Variants in LPA observed in about 807,000 individuals in gnomAD.
LPA encodes apolipoprotein(a).
A neutral mutation model predicts 197.9 loss-of-function variants in LPA; 199 were observed. The ratio of observed to expected loss-of-function variants is 1.01; its 90% confidence interval spans 0.90 to 1.13. LPA has a LOEUF of 1.13. Ranked by LOEUF, LPA falls within the 50% of genes most tolerant of loss-of-function variation. LPA has a pLI of 0.00. For synonymous variants in LPA, 715 were observed against 639.5 expected (o/e 1.12, Z -1.78); for missense variants, 1,853 against 1,785.8 (o/e 1.04, Z -0.68).
At chr6:160,564,667 C>T (rs1252451728) in intron 28 of LPA, among the ~76,000 whole-genome samples, 2 of 152,170 alleles carry the variant, frequency 1.3e-5, no homozygotes, top group East Asian at 3.9e-4. Context: ...GTGGGTGCAG[C>T]CCACGGAGAG....
intron 21 of LPA, 92 bp downstream of exon 21, chr6:160,595,262 G>A: frequency 2.0e-6 from 3 of 1,483,432 alleles, no homozygotes; most frequent in South Asian, 2.3e-5. Context: ...TTGGAATTGT[G>A]TGAGCATGGA....
chr6:160,544,187 G>A (rs1190528281), intron 33 of LPA, among the ~76,000 whole-genome samples: 1 of 152,120 alleles, frequency 6.6e-6, no homozygotes, highest in Non-Finnish European at 1.5e-5. Flanking sequence ...AGGCAGGTAA[G>A]TCAGACTGGG....
intron 2 of LPA, among the ~76,000 whole-genome samples, chr6:160,648,150 A>G (rs1273239563): frequency 6.6e-6 from 1 of 152,048 alleles, no homozygotes; most frequent in Non-Finnish European, 1.5e-5. Context: ...TATTACTTTA[A>G]TGTTATTCTT....
At chr6:160,589,776 A>C (rs1445618971) in intron 23 of LPA, 64 bp from the exon 24 acceptor site, 2 of 1,585,042 alleles carry the variant, frequency 1.3e-6, no homozygotes, top group Non-Finnish European at 1.7e-6. Flanking sequence ...TGAGAAAAAA[A>C]ATCCATGATA....
intron 37 of LPA, 128 bp downstream of exon 37, chr6:160,537,727 C>A: frequency 1.2e-6 from 1 of 863,826 alleles, no homozygotes; most frequent in Admixed American, 2.0e-5. Context: ...GGTGTCCAGG[C>A]AAAGTCAGGA....
intron 18 of LPA, 30 bp downstream of exon 18, chr6:160,605,016 C>T: frequency 6.2e-7 from 1 of 1,612,522 alleles, no homozygotes; most frequent in South Asian, 1.1e-5. Context: ...CTGACCCTTC[C>T]TTCACTTATG....
chr6:160,532,102 AAAT>A (rs1278965365), intron 38 of LPA, among the ~76,000 whole-genome samples: 1 of 152,174 alleles, frequency 6.6e-6, no homozygotes, highest in Non-Finnish European at 1.5e-5. Context: ...CTGGGAAAAA[AAAT>A]AATCCCTTGT....
intron 16 of LPA, among the ~76,000 whole-genome samples, chr6:160,611,004 G>T (rs185421391): frequency 1.3e-4 from 20 of 152,212 alleles, no homozygotes; most frequent in African/African-American, 4.6e-4. Flanking sequence ...TCTCTGTGCT[G>T]ACTCTCATCT....
intron 26 of LPA, among the ~76,000 whole-genome samples, chr6:160,579,804 G>A (rs747992932): frequency 1.3e-4 from 20 of 152,216 alleles, no homozygotes; most frequent in Non-Finnish European, 1.5e-4. Flanking sequence ...ATTTGAGGAT[G>A]TTAGGCAGTG....
intron 37 of LPA, among the ~76,000 whole-genome samples, chr6:160,533,927 G>A (rs186491596): frequency 3.9e-5 from 6 of 152,336 alleles, no homozygotes; most frequent in Admixed American, 2.6e-4. Flanking sequence ...CATGCCCAGG[G>A]ATTTCTCAGT....
At chr6:160,654,234 G>A (rs116068088) in intron 1 of LPA, among the ~76,000 whole-genome samples, 2,749 of 145,126 alleles carry the variant, frequency 0.019, 73 homozygotes, top group Middle Eastern at 0.19. Context: ...GAAGAACTTG[G>A]AGTCCGATGT....
At chr6:160,542,331 C>G (rs1194717353) in intron 34 of LPA, among the ~76,000 whole-genome samples, 1 of 152,172 alleles carries the variant, frequency 6.6e-6, no homozygotes, top group Non-Finnish European at 1.5e-5. Context: ...TGCAAAGTGT[C>G]ACATTTCTAA....
At chr6:160,585,317 A>G in intron 25 of LPA, 112 bp from the exon 26 acceptor site, 1 of 976,292 alleles carries the variant, frequency 1.0e-6, no homozygotes, top group South Asian at 1.3e-5. Context: ...ACACTCTTCT[A>G]TATTAGCATG....
At chr6:160,578,045 A>G (rs1487803266) in intron 27 of LPA, among the ~76,000 whole-genome samples, 1 of 152,186 alleles carries the variant, frequency 6.6e-6, no homozygotes, top group Non-Finnish European at 1.5e-5. Flanking sequence ...ACCTCCTGCT[A>G]TGCAGCCCCA....
intron 37 of LPA, among the ~76,000 whole-genome samples, chr6:160,537,015 G>T (rs2114995218): frequency 6.6e-6 from 1 of 152,282 alleles, no homozygotes; most frequent in South Asian, 2.1e-4. Flanking sequence ...TCTAGTTCAG[G>T]TCTATCTGGC....
chr6:160,596,662 G>A (rs776247567), intron 20 of LPA, among the ~76,000 whole-genome samples: 7 of 152,090 alleles, frequency 4.6e-5, no homozygotes, highest in Non-Finnish European at 1.0e-4. Context: ...AAAGTAAAAA[G>A]GGCCAATAGC....
rs115280015 is a variant in LPA, at chr6:160,541,103, G to A, written c.5594+4C>T. The A allele has an allele frequency of 1.7e-3, 2,762 of 1,613,488 alleles. 48 individuals are homozygous for A. In the African/African-American group the frequency reaches 0.03, roughly 18 times the overall value. ...ACCCCATGTCAGTTTTCCCTTAAAC[G>A]TACTTCTTCAAGCAGTGAGCAGCAG... On this transcript the variant is annotated splice_donor_region_variant and intron_variant, in intron 35 of 38. Transcript: ENST00000316300.
At chr6:160,587,319 G>A (rs1313345612) in intron 24 of LPA, among the ~76,000 whole-genome samples, 1 of 152,026 alleles carries the variant, frequency 6.6e-6, no homozygotes, top group Non-Finnish European at 1.5e-5. Context: ...CTCCTTTGTT[G>A]GTCTATTTTC....
At chr6:160,598,726 A>G (rs1299220461) in intron 20 of LPA, among the ~76,000 whole-genome samples, 1 of 152,178 alleles carries the variant, frequency 6.6e-6, no homozygotes, top group Non-Finnish European at 1.5e-5. Context: ...ATCTCTTCAG[A>G]CCACTGGTGC....
Sources: allele counts gnomAD v4.1 joint callset (sites outside exome capture counted in the v4.1 genomes callset), GRCh38; gene constraint gnomAD v4.1.1; transcripts MANE v1.5; gene names NCBI Gene and HGNC (gene_info 2026-07-23, HGNC 2026-07-21).